Variants in STX18 observed in about 807,000 individuals in gnomAD.
The protein encoded by STX18 is syntaxin 18, also known as syntaxin-18.
Under a neutral mutation model 50.1 loss-of-function variants are expected in STX18, and 40 were observed. That is an observed-to-expected ratio of 0.80 (90% CI 0.62 to 1.04). The LOEUF (loss-of-function observed/expected upper bound fraction) is 1.04. STX18 is among the 50% of genes least tolerant of loss of function. The probability of loss-of-function intolerance (pLI) is 0.00; values close to 1 mark genes in which losing one functional copy is unlikely to be tolerated. For synonymous variants in STX18, 158 were observed against 151.8 expected, an observed-to-expected ratio of 1.04 and a Z score of -0.30; for missense variants, 410 against 415.8, an observed-to-expected ratio of 0.99 and a Z score of 0.12.
At chr4:4,498,368 A>G (rs1228054137) in intron 1 of STX18, among the ~76,000 whole-genome samples, 2 of 152,198 alleles carry the variant, frequency 1.3e-5, no homozygotes, top group Non-Finnish European at 2.9e-5. Context: ...ATTACTGCCA[A>G]TATATCAGAA....
intron 7 of STX18, among the ~76,000 whole-genome samples, chr4:4,429,740 C>G (rs936587659): frequency 3.3e-5 from 5 of 152,186 alleles, no homozygotes; most frequent in African/African-American, 1.2e-4. Flanking sequence ...CTGGAACCTC[C>G]CCAGGGTCTG....
chr4:4,454,510 TGA>T (rs1480293185), intron 5 of STX18, among the ~76,000 whole-genome samples: 3 of 152,188 alleles, frequency 2.0e-5, no homozygotes, highest in African/African-American at 7.2e-5. Flanking sequence ...CTGGTGAGTG[TGA>T]GACCCAGTGA....
chr4:4,484,245 C>T (rs1323664838), intron 1 of STX18, among the ~76,000 whole-genome samples: 1 of 152,166 alleles, frequency 6.6e-6, no homozygotes, highest in Non-Finnish European at 1.5e-5. Flanking sequence ...TCATGGGCCT[C>T]CCAAATAAAA....
At chr4:4,456,824 C>T (rs1472146846) in intron 5 of STX18, among the ~76,000 whole-genome samples, 2 of 152,228 alleles carry the variant, frequency 1.3e-5, no homozygotes, top group East Asian at 3.9e-4. Context: ...GTGCCAGCCT[C>T]ATCGGGTTAA....
intron 7 of STX18, among the ~76,000 whole-genome samples, chr4:4,433,830 C>A (rs943249286): frequency 1.3e-5 from 2 of 152,172 alleles, no homozygotes; most frequent in Non-Finnish European, 2.9e-5. Flanking sequence ...AAGACTGGAT[C>A]CCATTCTTCC....
At chr4:4,523,561 G>A (rs1730618181) in intron 1 of STX18, among the ~76,000 whole-genome samples, 1 of 152,120 alleles carries the variant, frequency 6.6e-6, no homozygotes, top group South Asian at 2.1e-4. Context: ...AAACCTCAAA[G>A]TCATCTATAA....
At chr4:4,524,122 A>T (rs183196858) in intron 1 of STX18, among the ~76,000 whole-genome samples, 1 of 152,338 alleles carries the variant, frequency 6.6e-6, no homozygotes, top group Admixed American at 6.5e-5. Context: ...ACCTAGTTGT[A>T]TGCCTGGCAT....
At chr4:4,437,397 C>T (rs1055719315) in intron 6 of STX18, among the ~76,000 whole-genome samples, 20 of 152,308 alleles carry the variant, frequency 1.3e-4, no homozygotes, top group African/African-American at 4.3e-4. Context: ...GAATCACATC[C>T]CTGAAACTTA....
chr4:4,462,122 T>C (rs1410055877), intron 2 of STX18, among the ~76,000 whole-genome samples: 3 of 152,202 alleles, frequency 2.0e-5, no homozygotes, highest in African/African-American at 4.8e-5. Context: ...ATATGACACG[T>C]GGGTCTCCAC....
chr4:4,494,242 T>C (rs1729069632), intron 1 of STX18, among the ~76,000 whole-genome samples: 1 of 152,230 alleles, frequency 6.6e-6, no homozygotes, highest in Non-Finnish European at 1.5e-5. Context: ...ACAGTACATA[T>C]ATTTGGGCTC....
At chr4:4,474,936 T>A (rs963814782) in intron 1 of STX18, among the ~76,000 whole-genome samples, 2 of 152,252 alleles carry the variant, frequency 1.3e-5, no homozygotes, top group Non-Finnish European at 2.9e-5. Context: ...ACAGCAGCAA[T>A]GAGAAACTAA....
chr4:4,510,297 T>TA (rs1322545494), intron 1 of STX18, among the ~76,000 whole-genome samples: 2 of 152,132 alleles, frequency 1.3e-5, no homozygotes, highest in African/African-American at 4.8e-5. Context: ...CATAGTTTTT[T>TA]AAAAAAATTA....
intron 1 of STX18, among the ~76,000 whole-genome samples, chr4:4,509,034 G>A (rs1364734570): frequency 6.6e-6 from 1 of 152,210 alleles, no homozygotes; most frequent in African/African-American, 2.4e-5. Context: ...ATGCATGCAT[G>A]TATCTTTACA....
intron 2 of STX18, among the ~76,000 whole-genome samples, chr4:4,470,763 G>A (rs1727870902): frequency 6.6e-6 from 1 of 152,146 alleles, no homozygotes; most frequent in South Asian, 2.1e-4. Flanking sequence ...ACCAGGAAAG[G>A]GCATGGCACC....
At chr4:4,540,428 ACTGTT>A (rs1411362380) in intron 1 of STX18, among the ~76,000 whole-genome samples, 1 of 152,172 alleles carries the variant, frequency 6.6e-6, no homozygotes, top group Non-Finnish European at 1.5e-5. Flanking sequence ...CTTATGTCAG[ACTGTT>A]ACCTACCTCC....
chr4:4,473,371 C>T (rs983872798), intron 1 of STX18, among the ~76,000 whole-genome samples: 1 of 149,714 alleles, frequency 6.7e-6, no homozygotes, highest in Admixed American at 6.7e-5. Flanking sequence ...CGGCTCAGTG[C>T]AAGCTCCACC....
Position 4,454,663 on chromosome 4 carries a change from T to C in STX18, c.497+2528A>G, listed in dbSNP as rs558057289. ...CCAAGTCTGGACTGCTTTCTATCTC[T>C]CTAATTCACACACCCAGATATTTTT... is the stretch of plus-strand genomic sequence containing the variant. On this transcript the variant is annotated intron_variant, in intron 5 of 10. Transcript: ENST00000306200. Among the ~76,000 whole-genome samples the C allele has an allele frequency of 2.0e-5, 3 of 152,310 alleles. No individual in the cohort carries two copies. In the South Asian group the frequency reaches 6.2e-4, roughly 32 times the overall value.
intron 1 of STX18, among the ~76,000 whole-genome samples, chr4:4,476,957 T>C (rs1190779383): frequency 6.6e-6 from 1 of 152,026 alleles, no homozygotes; most frequent in Non-Finnish European, 1.5e-5. Flanking sequence ...CCCAGCACTT[T>C]GGGAGGCTGA....
chr4:4,507,656 C>T, intron 1 of STX18: 1 of 783,340 alleles, frequency 1.3e-6, no homozygotes, highest in South Asian at 1.3e-5. Flanking sequence ...TGGCAGCCGG[C>T]TCATAAAGGT....
Sources: allele counts gnomAD v4.1 joint callset (sites outside exome capture counted in the v4.1 genomes callset), GRCh38; gene constraint gnomAD v4.1.1; transcripts MANE v1.5; gene names NCBI Gene and HGNC (gene_info 2026-07-23, HGNC 2026-07-21).